PDCD6IP: variants seen among roughly 807,000 people sequenced by gnomAD.
PDCD6IP encodes the protein programmed cell death 6 interacting protein.
Under a neutral mutation model 103.7 loss-of-function variants are expected in PDCD6IP, and 43 were observed. The ratio of observed to expected loss-of-function variants is 0.41; its 90% CI spans 0.32 to 0.53. PDCD6IP has a LOEUF of 0.53. PDCD6IP is among the 20% of genes least tolerant of loss of function. The pLI, the probability that PDCD6IP is intolerant of heterozygous loss-of-function variation, is 0.16. For missense variants in PDCD6IP, 871 were observed against 1,036.7 expected (o/e 0.84, Z 2.20); for synonymous variants, 354 against 378.7 (o/e 0.93, Z 0.76).
intron 15 of PDCD6IP, among the ~76,000 whole-genome samples, chr3:33,855,938 G>A (rs1697817980): frequency 6.6e-6 from 1 of 152,198 alleles, no homozygotes; most frequent in Non-Finnish European, 1.5e-5. Flanking sequence ...ACTGGTACTG[G>A]TTCGTGGCCT....
At chr3:33,814,864 GTATATACA>G (rs945500558) in intron 3 of PDCD6IP, among the ~76,000 whole-genome samples, 10 of 143,640 alleles carry the variant, frequency 7.0e-5, no homozygotes, top group South Asian at 4.3e-4. Context: ...ATACATATAT[GTATATACA>G]TATATACATA....
intron 12 of PDCD6IP, among the ~76,000 whole-genome samples, chr3:33,846,849 C>T (rs1697603172): frequency 6.6e-6 from 1 of 152,164 alleles, no homozygotes; most frequent in African/African-American, 2.4e-5. Context: ...TGCTGAGCAC[C>T]TTGGTCCCTA....
chr3:33,868,155 A>G lies in PDCD6IP; in HGVS notation c.*1630A>G, dbSNP rs2125457481. ...AAGATTTAATACTTTGGATTCATCA[A>G]AGTGTGACATGGGCTTGTTTGACTT... On this transcript the variant is annotated 3_prime_UTR_variant, in exon 18 of 18. Transcript: ENST00000307296. 1 of 152,328 alleles carries G rather than the reference A, an allele frequency of 6.6e-6. No homozygotes were observed. The highest frequency in any genetic ancestry group is 1.5e-5 in the Non-Finnish European group (1 of 68,038). 9.4% of individuals were successfully genotyped at this position (152,328 alleles called of 1,614,324 possible).
intron 3 of PDCD6IP, among the ~76,000 whole-genome samples, chr3:33,821,195 A>C (rs1478575890): frequency 6.8e-6 from 1 of 147,338 alleles, no homozygotes; most frequent in African/African-American, 2.5e-5. Flanking sequence ...TTTTTTGTTG[A>C]GATGGGGTCT....
chr3:33,818,316 C>G (rs1230831582), intron 3 of PDCD6IP, among the ~76,000 whole-genome samples: 2 of 150,576 alleles, frequency 1.3e-5, no homozygotes, highest in Non-Finnish European at 3.0e-5. Context: ...CCATGTTGGC[C>G]AGGCTGGTCT....
chr3:33,799,097 A>C (rs1696407168), intron 1 of PDCD6IP, 160 bp downstream of exon 1: 3 of 713,382 alleles, frequency 4.2e-6, no homozygotes, highest in Non-Finnish European at 6.8e-6. Context: ...GCTGGTGAGC[A>C]GGACCCGCCC....
At chr3:33,859,168 G>C (rs1697895130) in intron 15 of PDCD6IP, among the ~76,000 whole-genome samples, 1 of 152,140 alleles carries the variant, frequency 6.6e-6, no homozygotes, top group East Asian at 1.9e-4. Context: ...AACCAGAAGA[G>C]GTGGACAACT....
At position 33,809,818 on chromosome 3, in the gene PDCD6IP, T is replaced by C. The variant is rs145180200; in HGVS notation, c.210-2254T>C. ...TCATGACCTTGACATTTTTGAAGAG[T>C]ACAGGCTAATTACTTTTTAGAATTT... On this transcript the variant is annotated intron_variant, in intron 1 of 17. Coordinates refer to ENST00000307296, the MANE Select transcript of PDCD6IP (RefSeq NM_013374.6). Among the ~76,000 whole-genome samples, 14 of 152,312 alleles carry C rather than the reference T, an allele frequency of 9.2e-5. No individual in the cohort carries two copies. In the East Asian group the frequency reaches 2.7e-3, roughly 29 times the overall value.
chr3:33,835,889 A>T (rs572657829), intron 7 of PDCD6IP, among the ~76,000 whole-genome samples, 155 bp from the exon 8 acceptor site: 1 of 152,262 alleles, frequency 6.6e-6, no homozygotes, highest in East Asian at 1.9e-4. Flanking sequence ...TGATCGGAGA[A>T]TTTCCAGGTA....
At chr3:33,862,709 A>G (rs1377932390) in intron 15 of PDCD6IP, among the ~76,000 whole-genome samples, 1 of 152,246 alleles carries the variant, frequency 6.6e-6, no homozygotes, top group Non-Finnish European at 1.5e-5. Flanking sequence ...TGGTTTGCAT[A>G]AAAGGTTAGC....
Position 33,863,894 on chromosome 3 carries a change from T to C in PDCD6IP, c.2121-112T>C, listed in dbSNP as rs138392894. The C allele has an allele frequency of 1.5e-4, 105 of 709,764 alleles. No homozygotes were observed. In the African/African-American group the frequency reaches 1.5e-3, roughly 10 times the overall value. 44.0% of individuals were successfully genotyped at this position (709,764 alleles called of 1,614,324 possible). On this transcript the variant is annotated intron_variant, in intron 15 of 17. Coordinates refer to ENST00000307296, the MANE Select transcript of PDCD6IP (RefSeq NM_013374.6). Reference sequence around the variant, plus strand: ...TGTAGTATATTTTAAAATACCATCATTGTTTGGAATCCATTTTCTATGTTT... The same window carrying C: ...TGTAGTATATTTTAAAATACCATCACTGTTTGGAATCCATTTTCTATGTTT...
intron 5 of PDCD6IP, among the ~76,000 whole-genome samples, chr3:33,826,231 T>C (rs1697121114): frequency 6.6e-6 from 1 of 152,146 alleles, no homozygotes; most frequent in Non-Finnish European, 1.5e-5. Flanking sequence ...CACTATCTTA[T>C]TTTAGAACAT....
At chr3:33,862,337 G>A (rs1265910350) in intron 15 of PDCD6IP, among the ~76,000 whole-genome samples, 1 of 151,902 alleles carries the variant, frequency 6.6e-6, no homozygotes, top group East Asian at 1.9e-4. Context: ...ACAGTGTGGG[G>A]CTTTGCTGTT....
In PDCD6IP at chr3:33,869,140, A is replaced by C. The variant is rs1409278671; in HGVS notation, c.*2615A>C. On this transcript the variant is annotated 3_prime_UTR_variant, in exon 18 of 18. Coordinates refer to ENST00000307296, the MANE Select transcript of PDCD6IP (RefSeq NM_013374.6). Reference sequence around the variant, plus strand: ...AGTCTTTATAGTCCAAACAGATTATAAAAAATGTTTTCCATTTGAACTTTA... The same window carrying C: ...AGTCTTTATAGTCCAAACAGATTATCAAAAATGTTTTCCATTTGAACTTTA... 3 of 152,248 alleles carry C rather than the reference A, an allele frequency of 2.0e-5. No individual in the cohort carries two copies. Among genetic ancestry groups the C allele is most frequent in the Admixed American group, 2.0e-4 (3 of 15,282 alleles). 9.4% of individuals were successfully genotyped at this position (152,248 alleles called of 1,614,324 possible).
Position 33,866,390 on chromosome 3 carries a change from T to C in PDCD6IP, c.2472T>C (p.Tyr824=), listed in dbSNP as rs768080318. The part of the protein sequence containing the change: ...QMPMPMGYNP[Y]AYGQYNMPYP... ...CCATGCCCATGGGCTATAATCCTTA[T>C]GCGTATGGCCAGTATAATATGCCAT... is the stretch of plus-strand genomic sequence containing the variant. Residue 824 remains tyrosine (Y), a synonymous_variant, in exon 18 of 18, where the codon TAT becomes TAC. Transcript: ENST00000307296. 19 of 1,600,654 alleles carry C rather than the reference T, an allele frequency of 1.2e-5. No individual in the cohort carries two copies. Among genetic ancestry groups the C allele is most frequent in the Non-Finnish European group, 1.7e-6 (2 of 1,174,374 alleles).
At chr3:33,824,049 C>T (rs900006510) in intron 4 of PDCD6IP, among the ~76,000 whole-genome samples, 1 of 152,086 alleles carries the variant, frequency 6.6e-6, no homozygotes, top group Non-Finnish European at 1.5e-5. Flanking sequence ...TCTCTAGTAC[C>T]TCCAGTTCCT....
intron 15 of PDCD6IP, among the ~76,000 whole-genome samples, chr3:33,860,789 T>C (rs1398325619): frequency 6.6e-6 from 1 of 152,242 alleles, no homozygotes; most frequent in Non-Finnish European, 1.5e-5. Context: ...TACTGTTGAA[T>C]ATTTTGAGTA....
chr3:33,806,676 C>T (rs1433265973), intron 1 of PDCD6IP, among the ~76,000 whole-genome samples: 1 of 152,162 alleles, frequency 6.6e-6, no homozygotes, highest in Non-Finnish European at 1.5e-5. Flanking sequence ...GAGTCTGCTG[C>T]TATAGTAAAG....
Position 33,826,589 on chromosome 3 carries a change from T to C in PDCD6IP, c.717+9T>C, listed in dbSNP as rs370773607. On this transcript the variant is annotated intron_variant, in intron 6 of 17. Transcript: ENST00000307296. ...AAGATACTCTCCCCAAGGTCAGTTA[T>C]TGTTTTTATAAACACTTGCTTACTT... 2.0e-4 allele frequency: 328 copies of C among 1,611,244 alleles called. No homozygotes were observed. The Middle Eastern group carries it at 5.3e-3, about 26-fold the overall frequency.
Sources: allele counts gnomAD v4.1 joint callset (sites outside exome capture counted in the v4.1 genomes callset), GRCh38; gene constraint gnomAD v4.1.1; transcripts MANE v1.5; gene names NCBI Gene and HGNC (gene_info 2026-07-23, HGNC 2026-07-21).